The following NTM variants were observed in gnomAD, a reference collection of about 807,000 sequenced individuals.
NTM encodes the protein IgLON family member 2.
NTM carries 13 observed loss-of-function variants against 42.1 expected under a neutral mutation model. The observed-to-expected ratio is 0.31, with a 90% CI of 0.20 to 0.49. The LOEUF is 0.49. Among genes scored for constraint, NTM ranks in the 20% least tolerant of loss-of-function variants. NTM has a pLI of 0.99. For missense variants in NTM, 373 were observed against 452.8 expected (o/e 0.82, Z 1.60); for synonymous variants, 187 against 179.2 (o/e 1.04, Z -0.35).
At chr11:131,970,714 CA>C (rs2063417427) in intron 2 of NTM, among the ~76,000 whole-genome samples, 1 of 152,164 alleles carries the variant, frequency 6.6e-6, no homozygotes, top group African/African-American at 2.4e-5. Context: ...CATTATTCTT[CA>C]TTATTTTTAC....
At chr11:131,771,952 T>C (rs2086170653) in intron 1 of NTM, among the ~76,000 whole-genome samples, 1 of 152,228 alleles carries the variant, frequency 6.6e-6, no homozygotes, top group African/African-American at 2.4e-5. Flanking sequence ...TCCCCTTCCT[T>C]TTTCTATCTT....
At chr11:131,993,729 G>T (rs140530877) in intron 2 of NTM, among the ~76,000 whole-genome samples, 1 of 152,076 alleles carries the variant, frequency 6.6e-6, no homozygotes, top group African/African-American at 2.4e-5. Flanking sequence ...CAGGCTGAGC[G>T]GTGGCTCATG....
chr11:131,854,732 G>C (rs2045935059), intron 1 of NTM, among the ~76,000 whole-genome samples: 1 of 152,070 alleles, frequency 6.6e-6, no homozygotes, highest in African/African-American at 2.4e-5. Context: ...TTGAAGGAGA[G>C]TGAATATTTA....
intron 2 of NTM, among the ~76,000 whole-genome samples, chr11:132,004,124 AAG>A (rs2070129407): frequency 6.6e-6 from 1 of 152,210 alleles, no homozygotes; most frequent in Admixed American, 6.5e-5. Context: ...GAAGAAAGGA[AAG>A]AGAATATTTG....
At chr11:132,136,128 A>G (rs2067877650) in intron 2 of NTM, among the ~76,000 whole-genome samples, 1 of 152,172 alleles carries the variant, frequency 6.6e-6, no homozygotes, top group South Asian at 2.1e-4. Flanking sequence ...TCTACAGGAT[A>G]GGGACAGAGA....
chr11:131,448,179 A>C (rs1264539906), intron 1 of NTM, among the ~76,000 whole-genome samples: 1 of 152,200 alleles, frequency 6.6e-6, no homozygotes, highest in Non-Finnish European at 1.5e-5. Context: ...GGAGCTCAAC[A>C]GACTGTCCTG....
At chr11:131,652,849 C>T (rs1256447783) in intron 1 of NTM, among the ~76,000 whole-genome samples, 7 of 152,230 alleles carry the variant, frequency 4.6e-5, no homozygotes, top group South Asian at 4.1e-4. Flanking sequence ...TCAGGAAGTA[C>T]GCCCTGGCAC....
intron 4 of NTM, among the ~76,000 whole-genome samples, chr11:132,263,061 G>A (rs1464303283): frequency 6.6e-6 from 1 of 152,220 alleles, no homozygotes; most frequent in Non-Finnish European, 1.5e-5. Flanking sequence ...GAGATCTTAA[G>A]GCTCAAGAAT....
At chr11:132,277,743 A>G (rs2093785277) in intron 4 of NTM, among the ~76,000 whole-genome samples, 1 of 152,196 alleles carries the variant, frequency 6.6e-6, no homozygotes, top group Non-Finnish European at 1.5e-5. Flanking sequence ...AAATATTCCA[A>G]CAAATAACAA....
At chr11:131,516,722 T>C (rs977133757) in intron 1 of NTM, among the ~76,000 whole-genome samples, 4 of 152,196 alleles carry the variant, frequency 2.6e-5, no homozygotes, top group Admixed American at 2.6e-4. Context: ...ATATGTATTG[T>C]ATTAATTGGG....
At chr11:132,284,328 T>TC (rs1174588607) in intron 4 of NTM, 2 of 152,406 alleles carry the variant, frequency 1.3e-5, no homozygotes, top group East Asian at 3.9e-4. Context: ...GGTTGATTTC[T>TC]GGGAGGGCCT....
chr11:132,206,126 G>A (rs1432447417), intron 3 of NTM, among the ~76,000 whole-genome samples: 2 of 152,136 alleles, frequency 1.3e-5, no homozygotes, highest in Non-Finnish European at 2.9e-5. Flanking sequence ...GAACATCACT[G>A]TCGATTGATT....
chr11:131,564,631 T>A (rs2056655744), intron 1 of NTM, among the ~76,000 whole-genome samples: 1 of 152,188 alleles, frequency 6.6e-6, no homozygotes. Flanking sequence ...ACCATCAAGG[T>A]AACAAATATA....
chr11:131,454,919 CAAAAGAT>C (rs1387210732), intron 1 of NTM, among the ~76,000 whole-genome samples: 1 of 151,932 alleles, frequency 6.6e-6, no homozygotes, highest in Non-Finnish European at 1.5e-5. Flanking sequence ...GTGCCTCCAG[CAAAAGAT>C]AAACACACAG....
intron 7 of NTM, among the ~76,000 whole-genome samples, chr11:132,325,977 T>C (rs1198296450): frequency 7.5e-6 from 1 of 133,660 alleles, no homozygotes; most frequent in Non-Finnish European, 1.6e-5. Flanking sequence ...TGAGAACACA[T>C]GGACACAGGA....
chr11:131,401,085 G>A (rs1945086199), intron 1 of NTM, among the ~76,000 whole-genome samples: 1 of 149,918 alleles, frequency 6.7e-6, no homozygotes, highest in Non-Finnish European at 1.5e-5. Flanking sequence ...AGAGAGACAG[G>A]AGAAGTGGAA....
Position 131,622,343 on chromosome 11 carries a change from A to G in NTM, c.82+251455A>G, listed in dbSNP as rs183623996. Among the ~76,000 whole-genome samples the G allele has an allele frequency of 2.3e-3, 345 of 152,296 alleles. 2 individuals carry two copies. Among genetic ancestry groups the G allele is most frequent in the African/African-American group, 7.6e-3 (316 of 41,564 alleles). Reference sequence around the variant, plus strand: ...TCTTAGTTTGCATAATCATAAGTAAACAAGCATGAAAGTGATGCCTCGGGC... The same window carrying G: ...TCTTAGTTTGCATAATCATAAGTAAGCAAGCATGAAAGTGATGCCTCGGGC... On this transcript the variant is annotated intron_variant, in intron 1 of 8. Transcript: ENST00000683400.
intron 3 of NTM, among the ~76,000 whole-genome samples, chr11:132,185,783 G>C (rs1471218362): frequency 6.6e-6 from 1 of 151,918 alleles, no homozygotes; most frequent in African/African-American, 2.4e-5. Flanking sequence ...AAAACTGGGA[G>C]AGAGCCCAGG....
intron 1 of NTM, among the ~76,000 whole-genome samples, chr11:131,734,434 G>C (rs1010278035): frequency 6.6e-6 from 1 of 151,822 alleles, no homozygotes; most frequent in African/African-American, 2.4e-5. Context: ...CTGCCTCCTG[G>C]TCTCCCTACC....
Sources: allele counts gnomAD v4.1 joint callset (sites outside exome capture counted in the v4.1 genomes callset), GRCh38; gene constraint gnomAD v4.1.1; transcripts MANE v1.5; gene names NCBI Gene and HGNC (gene_info 2026-07-23, HGNC 2026-07-21).